The following VPS35L variants were observed in gnomAD, a reference collection of about 807,000 sequenced individuals.
The protein encoded by VPS35L is VPS35 endosomal protein sorting factor like.
VPS35L carries 83 observed loss-of-function variants against 133.0 expected under a neutral mutation model. The ratio of observed to expected loss-of-function variants is 0.62; its 90% CI spans 0.52 to 0.75. The LOEUF (loss-of-function observed/expected upper bound fraction) is 0.75. Ranked by LOEUF, VPS35L falls within the 30% of genes least tolerant of loss-of-function variation. The probability of loss-of-function intolerance (pLI) is 0.00; values close to 1 mark genes in which losing one functional copy is unlikely to be tolerated. For missense variants in VPS35L, 1,083 were observed against 1,206.8 expected, an observed-to-expected ratio of 0.90 and a Z score of 1.52; for synonymous variants, 423 against 449.9, an observed-to-expected ratio of 0.94 and a Z score of 0.76.
intron 26 of VPS35L, among the ~76,000 whole-genome samples, chr16:19,667,382 T>C (rs889057879): frequency 6.6e-6 from 1 of 152,066 alleles, no homozygotes; most frequent in African/African-American, 2.4e-5. Context: ...ATTTAATGTC[T>C]CTCCCCAAAA....
chr16:19,629,109 C>A (rs924247858), intron 17 of VPS35L, among the ~76,000 whole-genome samples: 15 of 152,054 alleles, frequency 9.9e-5, no homozygotes, highest in African/African-American at 3.6e-4. Context: ...CACTTTTTGT[C>A]CAAGTTTTGG....
At chr16:19,697,355 T>G (rs537473259) in intron 29 of VPS35L, among the ~76,000 whole-genome samples, 1 of 152,306 alleles carries the variant, frequency 6.6e-6, no homozygotes, top group South Asian at 2.1e-4. Flanking sequence ...ACTTTTTCTT[T>G]AAGACAGGGT....
At chr16:19,601,618 C>T in intron 8 of VPS35L, 46 bp from the exon 9 acceptor site, 1 of 1,582,714 alleles carries the variant, frequency 6.3e-7, no homozygotes, top group Non-Finnish European at 8.7e-7. Context: ...TTACTGTTTG[C>T]TCCTGAAGAG....
At chr16:19,617,366 A>G (rs1972930131) in intron 14 of VPS35L, 8 of 169,542 alleles carry the variant, frequency 4.7e-5, no homozygotes, top group Admixed American at 4.4e-4. Context: ...TCATTAAAAA[A>G]GAAACAAAAA....
chr16:19,691,234 G>A, intron 28 of VPS35L, 119 bp from the exon 29 acceptor site: 1 of 780,280 alleles, frequency 1.3e-6, no homozygotes, highest in Admixed American at 1.9e-5. Flanking sequence ...ACTTCCATGT[G>A]CCCTGCCACG....
chr16:19,591,350 C>T (rs1972036680), intron 7 of VPS35L, among the ~76,000 whole-genome samples: 1 of 152,128 alleles, frequency 6.6e-6, no homozygotes, highest in East Asian at 1.9e-4. Flanking sequence ...TTGAGTGCTT[C>T]CTGGTTCAGT....
intron 5 of VPS35L, among the ~76,000 whole-genome samples, chr16:19,577,916 C>T (rs114160126): frequency 2.0e-5 from 3 of 152,160 alleles, no homozygotes; most frequent in Non-Finnish European, 4.4e-5. Context: ...TTTAGGACTG[C>T]GAGAAATACA....
Position 19,556,427 on chromosome 16 carries a change from C to A in VPS35L, c.17+681C>A, listed in dbSNP as rs958258993. Among the ~76,000 whole-genome samples the A allele has an allele frequency of 2.6e-5, 4 of 152,164 alleles. No individual in the cohort carries two copies. In the South Asian group the frequency reaches 6.2e-4, roughly 24 times the overall value. On this transcript the variant is annotated intron_variant, in intron 1 of 30. Transcript: ENST00000417362. Reference sequence around the variant, plus strand: ...CACCATAGGGAGGGCGTGGCGTGTGCCTGGTTGGCAGGCCCGTAGGTCCCT... The same window carrying A: ...CACCATAGGGAGGGCGTGGCGTGTGACTGGTTGGCAGGCCCGTAGGTCCCT...
At chr16:19,576,308 C>T (rs1288761876) in intron 5 of VPS35L, among the ~76,000 whole-genome samples, 1 of 152,108 alleles carries the variant, frequency 6.6e-6, no homozygotes, top group Non-Finnish European at 1.5e-5. Flanking sequence ...CTTTCCCTTG[C>T]CTTAAGTCTT....
chr16:19,629,878 G>A, intron 18 of VPS35L, 58 bp downstream of exon 18: 1 of 1,523,008 alleles, frequency 6.6e-7, no homozygotes, highest in Non-Finnish European at 9.1e-7. Context: ...GTTTATAATA[G>A]TGAATTAGCC....
At chr16:19,608,357 A>G (rs931554461) in intron 10 of VPS35L, 83 bp downstream of exon 10, 17 of 1,029,168 alleles carry the variant, frequency 1.7e-5, no homozygotes, top group Admixed American at 9.4e-5. Flanking sequence ...ATGTGATGGG[A>G]TGCCCTGACA....
At chr16:19,681,410 A>G (rs371243654) in intron 27 of VPS35L, among the ~76,000 whole-genome samples, 26 of 152,148 alleles carry the variant, frequency 1.7e-4, no homozygotes, top group African/African-American at 6.3e-4. Context: ...GCGGGTTCCA[A>G]TCGTGCTGTT....
chr16:19,698,704 C>G (rs1976004698), intron 29 of VPS35L, among the ~76,000 whole-genome samples: 1 of 152,166 alleles, frequency 6.6e-6, no homozygotes, highest in African/African-American at 2.4e-5. Flanking sequence ...AGACTCTTGG[C>G]AGCACTGATG....
chr16:19,683,283 C>G (rs1975350455), intron 28 of VPS35L, among the ~76,000 whole-genome samples: 1 of 152,110 alleles, frequency 6.6e-6, no homozygotes. Context: ...TCAGACCAGT[C>G]TGGAGAAACA....
At position 19,623,151 on chromosome 16, in the gene VPS35L, C is replaced by T. The variant is rs189788979; in HGVS notation, c.1225-3026C>T. On this transcript the variant is annotated intron_variant, in intron 14 of 30. Coordinates refer to ENST00000417362, the MANE Select transcript of VPS35L (RefSeq NM_020314.7). ...AGAAATGGATCATGGGCAAGGGGAA[C>T]GAGAGCCACTGTGATTGGTTTGGGT... is the stretch of plus-strand genomic sequence containing the variant. 5.7e-4 allele frequency among the ~76,000 whole-genome samples: 87 copies of T among 152,294 alleles called. 1 individual carries two copies. The highest frequency in any genetic ancestry group is 5.6e-3 in the Admixed American group (85 of 15,304).
intron 26 of VPS35L, among the ~76,000 whole-genome samples, chr16:19,666,403 A>G (rs1186161185): frequency 6.6e-6 from 1 of 152,218 alleles, no homozygotes; most frequent in African/African-American, 2.4e-5. Flanking sequence ...TTTAAACTAT[A>G]AGGATAAACT....
At chr16:19,603,251 A>G (rs576409036) in intron 9 of VPS35L, among the ~76,000 whole-genome samples, 1 of 152,286 alleles carries the variant, frequency 6.6e-6, no homozygotes, top group East Asian at 1.9e-4. Flanking sequence ...GCCACCAGCT[A>G]CTGAGAGCCT....
Position 19,650,422 on chromosome 16 carries a change from A to G in VPS35L, c.2069A>G (p.Lys690Arg), listed in dbSNP as rs796262900. 2 of 1,613,892 alleles carry G rather than the reference A, an allele frequency of 1.2e-6. No individual in the cohort carries two copies. The highest frequency in any genetic ancestry group is 1.7e-6 in the Non-Finnish European group (2 of 1,179,808). The change falls in exon 25 of 31, where the codon AAA becomes AGA. Residue 690 changes from lysine to arginine, a missense_variant. Transcript: ENST00000417362. Reference protein sequence around the residue: ...RLAMETRKVMKGNHSRKTAAF... With the variant: ...RLAMETRKVMRGNHSRKTAAF... Reference sequence around the variant, plus strand: ...GCAATGGAGACAAGAAAAGTAATGAAAGGAAATCATTCCAGAAAGACAGCT... The same window carrying G: ...GCAATGGAGACAAGAAAAGTAATGAGAGGAAATCATTCCAGAAAGACAGCT...
In VPS35L at chr16:19,700,412, A is replaced by G. The variant is rs763852228; in HGVS notation, c.2828A>G (p.Lys943Arg). 1.9e-6 allele frequency: 3 copies of G among 1,614,164 alleles called. No individual in the cohort carries two copies. In the South Asian group the frequency reaches 3.3e-5, roughly 18 times the overall value. ...CTAGAATACATCAAGAAGCAAAGCA[A>G]ACAACCAGACATGACTCATCTGACG... The part of the protein sequence containing the change: ...KTLEYIKKQS[K>R]QPDMTHLTEL... Residue 943 changes from lysine (K) to arginine (R), a missense_variant, in exon 31 of 31, where the codon AAA becomes AGA. By Grantham distance (26) the Lys-to-Arg change is conservative. Transcript: ENST00000417362.
Sources: allele counts gnomAD v4.1 joint callset (sites outside exome capture counted in the v4.1 genomes callset), GRCh38; gene constraint gnomAD v4.1.1; transcripts MANE v1.5; gene names NCBI Gene and HGNC (gene_info 2026-07-23, HGNC 2026-07-21).